The following RTTN variants were observed in gnomAD, a reference collection of about 807,000 sequenced individuals.
The protein encoded by RTTN is rotatin.
Under a neutral mutation model 269.2 loss-of-function variants are expected in RTTN, and 182 were observed. The observed-to-expected ratio is 0.68, with a 90% CI of 0.60 to 0.76. The LOEUF is 0.76. Among genes scored for constraint, RTTN ranks in the 30% least tolerant of loss-of-function variants. RTTN has a pLI of 0.00. For missense variants in RTTN, 2,545 were observed against 2,608.6 expected (o/e 0.98, Z 0.53); for synonymous variants, 1,006 against 963.5 (o/e 1.04, Z -0.82).
chr18:70,197,434 AACT>A (rs2061838131), intron 6 of RTTN, among the ~76,000 whole-genome samples, 187 bp downstream of exon 6: 1 of 152,220 alleles, frequency 6.6e-6, no homozygotes, highest in Admixed American at 6.5e-5. Flanking sequence ...TGTCAAATGA[AACT>A]ACTACTATTG....
At chr18:70,178,216 A>G (rs1204479568) in intron 10 of RTTN, among the ~76,000 whole-genome samples, 3 of 152,204 alleles carry the variant, frequency 2.0e-5, no homozygotes, top group East Asian at 3.8e-4. Context: ...GCGACAGAGC[A>G]AGACTCTGTC....
intron 42 of RTTN, 118 bp downstream of exon 42, chr18:70,029,894 T>A: frequency 1.5e-6 from 1 of 679,242 alleles, no homozygotes; most frequent in Non-Finnish European, 2.5e-6. Context: ...CATTAATTTA[T>A]CCATCTGTAC....
intron 23 of RTTN, chr18:70,128,767 G>C (rs2059929032): frequency 2.2e-6 from 1 of 451,248 alleles, no homozygotes; most frequent in African/African-American, 2.0e-5. Context: ...CTTTCTTGAG[G>C]ACTTACCACA....
Position 70,006,404 on chromosome 18 carries a change from C to T in RTTN, c.6502G>A (p.Ala2168Thr). Residue 2168 changes from alanine to threonine, a missense_variant, in exon 47 of 49, where the codon GCT (alanine) becomes ACT (threonine). Transcript: ENST00000640769. ...ACCTTCTGATAATTGTAAATCAGAG[C>T]CCAAAGGGCAGCTGCTCCAATCCTC... ...AQRIGAAALW[A>T]LIYNYQKAKT... The T allele has an allele frequency of 6.2e-7, 1 of 1,613,902 alleles. No individual in the cohort carries two copies. Among genetic ancestry groups the T allele is most frequent in the Non-Finnish European group, 8.5e-7 (1 of 1,179,784 alleles).
At chr18:70,086,464 A>G in intron 32 of RTTN, 149 bp downstream of exon 32, 1 of 703,260 alleles carries the variant, frequency 1.4e-6, no homozygotes, top group Non-Finnish European at 2.5e-6. Context: ...TCTGGTCGGC[A>G]TAAGAACAAA....
chr18:70,030,598 T>C (rs898847407), intron 41 of RTTN, among the ~76,000 whole-genome samples: 1 of 152,194 alleles, frequency 6.6e-6, no homozygotes, highest in South Asian at 2.1e-4. Flanking sequence ...TGAAACTCAA[T>C]GTGTTACCTT....
chr18:70,076,809 T>C (rs1568340067), intron 32 of RTTN, among the ~76,000 whole-genome samples: 1 of 152,026 alleles, frequency 6.6e-6, no homozygotes, highest in Non-Finnish European at 1.5e-5. Context: ...AATGGGGTTA[T>C]GTGGCTCCTG....
intron 22 of RTTN, among the ~76,000 whole-genome samples, chr18:70,134,894 A>G (rs2060087133): frequency 6.6e-6 from 1 of 152,158 alleles, no homozygotes; most frequent in Admixed American, 6.6e-5. Context: ...AATATTAAGA[A>G]AAAAACACAT....
At chr18:70,083,849 G>T (rs532472600) in intron 32 of RTTN, among the ~76,000 whole-genome samples, 1 of 151,690 alleles carries the variant, frequency 6.6e-6, no homozygotes, top group African/African-American at 2.4e-5. Flanking sequence ...TGAGGCAAGC[G>T]TATCACTTGA....
intron 4 of RTTN, 68 bp from the exon 5 acceptor site, chr18:70,199,572 G>A: frequency 8.7e-7 from 1 of 1,147,900 alleles, no homozygotes. Flanking sequence ...AATGTTAAGA[G>A]TAAGTTTTCC....
chr18:70,020,506 A>T, intron 45 of RTTN, 109 bp downstream of exon 45: 2 of 1,088,208 alleles, frequency 1.8e-6, no homozygotes, highest in East Asian at 2.4e-5. Context: ...CTTTAAAATA[A>T]AATGCCTCAA....
chr18:70,041,437 A>G (rs1474165834), intron 40 of RTTN, among the ~76,000 whole-genome samples: 3 of 151,966 alleles, frequency 2.0e-5, no homozygotes, highest in Non-Finnish European at 4.4e-5. Flanking sequence ...GATGAGAGGC[A>G]AGTGTATTAG....
At position 70,083,630 on chromosome 18, in the gene RTTN, T is replaced by A. The variant is rs541503824; in HGVS notation, c.4374+2983A>T. Among the ~76,000 whole-genome samples the A allele has an allele frequency of 4.0e-3, 603 of 152,282 alleles. 5 individuals carry two copies. The highest frequency in any genetic ancestry group is 0.014 in the African/African-American group (567 of 41,552). The stretch of plus-strand genomic sequence containing the variant: ...TATTTAATACTTTAAAAAAATAAAT[T>A]GTTTTAAATTATTTACTTCCTATCT... On this transcript the variant is annotated intron_variant, in intron 32 of 48. Coordinates refer to ENST00000640769, the MANE Select transcript of RTTN (RefSeq NM_173630.4).
rs190640654 is a variant in RTTN, at chr18:70,053,018, G to C, written c.5185+1113C>G. Among the ~76,000 whole-genome samples, 555 of 152,282 alleles carry C rather than the reference G, an allele frequency of 3.6e-3. 6 individuals are homozygous for C. Among genetic ancestry groups the C allele is most frequent in the Middle Eastern group, 0.014 (4 of 294 alleles). Reference sequence around the variant, plus strand: ...ATCAATAAAAAGCATTCACAAGGCAGCCAATAGCAGCCAAGATACACAGAC... The same window carrying C: ...ATCAATAAAAAGCATTCACAAGGCACCCAATAGCAGCCAAGATACACAGAC... On this transcript the variant is annotated intron_variant, in intron 38 of 48. Transcript: ENST00000640769.
chr18:70,168,974 C>T lies in RTTN; in HGVS notation c.1570G>A (p.Ala524Thr), dbSNP rs764383165. The T allele has an allele frequency of 6.8e-6, 11 of 1,612,950 alleles. No individual in the cohort carries two copies. Among genetic ancestry groups the T allele is most frequent in the Non-Finnish European group, 8.5e-6 (10 of 1,179,636 alleles). The change falls in exon 12 of 49, where the codon GCT becomes ACT. Residue 524 changes from alanine (A) to threonine (T), a missense_variant. Ala to Thr is a moderately conservative substitution (Grantham distance 58). Transcript: ENST00000640769. ...AGCTGTTCCAAATAGGCCACAACAG[C>T]TTCATGAATATTTGGATATTCCAAA... Reference protein sequence around the residue: ...ISLEYPNIHEAVVAYLEQLNS... With the variant: ...ISLEYPNIHETVVAYLEQLNS...
chr18:70,186,435 G>A (rs1032024587), intron 10 of RTTN, among the ~76,000 whole-genome samples: 3 of 152,168 alleles, frequency 2.0e-5, no homozygotes, highest in Admixed American at 6.5e-5. Flanking sequence ...GATGCCAAGT[G>A]AGGAACTGCT....
Position 70,127,951 on chromosome 18 carries a change from C to T in RTTN, c.3144-210G>A, listed in dbSNP as rs542405141. On this transcript the variant is annotated intron_variant, in intron 24 of 48. Transcript: ENST00000640769. ...CCAAATGTTTATATTGACTTTTCCT[C>T]CTTATAAAAATTTTTATTCACTTAA... 1.1e-5 allele frequency: 6 copies of T among 542,548 alleles called. No homozygotes were observed. The South Asian group carries it at 1.4e-4, about 13-fold the overall frequency. 33.6% of individuals were successfully genotyped at this position (542,548 alleles called of 1,614,324 possible).
At chr18:70,198,328 T>C (rs1367353119) in intron 5 of RTTN, among the ~76,000 whole-genome samples, 4 of 152,172 alleles carry the variant, frequency 2.6e-5, no homozygotes, top group African/African-American at 9.7e-5. Flanking sequence ...ATTCACTATC[T>C]ACAGGCATGC....
chr18:70,153,479 T>C (rs751156856), intron 14 of RTTN, among the ~76,000 whole-genome samples: 6 of 152,180 alleles, frequency 3.9e-5, no homozygotes, highest in East Asian at 1.9e-4. Context: ...AAATGAATGT[T>C]AGATGTAGGT....
Sources: allele counts gnomAD v4.1 joint callset (sites outside exome capture counted in the v4.1 genomes callset), GRCh38; gene constraint gnomAD v4.1.1; transcripts MANE v1.5; gene names NCBI Gene and HGNC (gene_info 2026-07-23, HGNC 2026-07-21).